Variants in SNTG1 observed in about 807,000 individuals in gnomAD.
SNTG1 encodes the protein gamma-1-syntrophin.
Under a neutral mutation model 74.7 loss-of-function variants are expected in SNTG1, and 39 were observed. That is an observed-to-expected ratio of 0.52 (90% CI 0.40 to 0.68). The LOEUF is 0.68. Ranked by LOEUF, SNTG1 falls within the 30% of genes least tolerant of loss-of-function variation. The pLI is 0.00. For synonymous variants in SNTG1, 254 were observed against 217.1 expected, an observed-to-expected ratio of 1.17 and a Z score of -1.49; for missense variants, 685 against 609.5, an observed-to-expected ratio of 1.12 and a Z score of -1.30.
chr8:50,731,539 T>A (rs545585963), intron 17 of SNTG1, among the ~76,000 whole-genome samples: 1 of 152,206 alleles, frequency 6.6e-6, no homozygotes, highest in African/African-American at 2.4e-5. Context: ...GCACCTGGTT[T>A]CTAACCAAAT....
chr8:50,754,921 T>TTTTCC (rs2095576528), intron 18 of SNTG1, among the ~76,000 whole-genome samples: 1 of 151,904 alleles, frequency 6.6e-6, no homozygotes, highest in South Asian at 2.1e-4. Context: ...AAATGGATTT[T>TTTTCC]TTTCCTTTCC....
At chr8:50,234,268 G>A (rs568439109) in intron 2 of SNTG1, among the ~76,000 whole-genome samples, 27 of 151,884 alleles carry the variant, frequency 1.8e-4, no homozygotes, top group African/African-American at 6.5e-4. Flanking sequence ...CTGATATGAA[G>A]AACATTACAC....
intron 11 of SNTG1, among the ~76,000 whole-genome samples, chr8:50,544,706 A>G (rs953210686): frequency 7.9e-5 from 12 of 152,060 alleles, no homozygotes; most frequent in African/African-American, 2.7e-4. Flanking sequence ...ATAAGCATTT[A>G]CAAACATAGC....
chr8:50,049,166 T>G (rs1395734000), intron 1 of SNTG1, among the ~76,000 whole-genome samples: 1 of 152,096 alleles, frequency 6.6e-6, no homozygotes, highest in Admixed American at 6.6e-5. Context: ...TTAAGTCAAC[T>G]ATGTCAATAA....
At chr8:50,175,705 A>T (rs937126176) in intron 2 of SNTG1, among the ~76,000 whole-genome samples, 6 of 152,220 alleles carry the variant, frequency 3.9e-5, no homozygotes, top group African/African-American at 1.2e-4. Flanking sequence ...GGAGAAAGGC[A>T]GTTGTAAGGA....
chr8:50,789,377 G>T (rs1173275758), intron 18 of SNTG1, among the ~76,000 whole-genome samples: 1 of 151,910 alleles, frequency 6.6e-6, no homozygotes. Context: ...TCAGGGATGA[G>T]TGCCCAGTCA....
intron 2 of SNTG1, among the ~76,000 whole-genome samples, chr8:50,242,137 A>T (rs1274528191): frequency 1.3e-5 from 2 of 151,940 alleles, no homozygotes; most frequent in African/African-American, 4.8e-5. Context: ...ATATACATAC[A>T]TATACATATG....
intron 12 of SNTG1, among the ~76,000 whole-genome samples, chr8:50,558,424 C>A (rs982877247): frequency 9.9e-5 from 15 of 152,120 alleles, no homozygotes; most frequent in African/African-American, 3.1e-4. Context: ...GACCTCAAGT[C>A]CATGCTGGGA....
intron 18 of SNTG1, among the ~76,000 whole-genome samples, chr8:50,792,029 A>G (rs1026327327): frequency 6.6e-6 from 1 of 151,698 alleles, no homozygotes; most frequent in African/African-American, 2.4e-5. Flanking sequence ...TTGGTATTTA[A>G]ATGAGAAACC....
intron 15 of SNTG1, among the ~76,000 whole-genome samples, chr8:50,672,370 C>T (rs1251078666): frequency 6.6e-6 from 1 of 151,974 alleles, no homozygotes; most frequent in Admixed American, 6.6e-5. Context: ...TTTTAATAAT[C>T]ACCATTCTAA....
rs753856767 is a variant in SNTG1, at chr8:50,221,320, G to A, written c.-28+48685G>A. Among the ~76,000 whole-genome samples the A allele has an allele frequency of 1.6e-3, 244 of 152,132 alleles. 1 individual carries two copies. The highest frequency in any genetic ancestry group is 2.2e-3 in the Non-Finnish European group (149 of 67,992). Reference sequence around the variant, plus strand: ...TAGTTTGAATGTTAAGGAATGTGCAGTAGAGGGAAAAAATAGTTACAATGG... The same window carrying A: ...TAGTTTGAATGTTAAGGAATGTGCAATAGAGGGAAAAAATAGTTACAATGG... On this transcript the variant is annotated intron_variant, in intron 2 of 18. Transcript: ENST00000642720.
chr8:50,221,772 A>C lies in SNTG1; in HGVS notation c.-28+49137A>C, dbSNP rs549863697. Among the ~76,000 whole-genome samples, 28 of 152,302 alleles carry C rather than the reference A, an allele frequency of 1.8e-4. No individual in the cohort carries two copies. In the South Asian group the frequency reaches 3.7e-3, roughly 20 times the overall value. On this transcript the variant is annotated intron_variant, in intron 2 of 18. Coordinates refer to ENST00000642720, the MANE Select transcript of SNTG1 (RefSeq NM_018967.5). Reference sequence around the variant, plus strand: ...TAGTGGGCATATCAGGGAAATTAGCATATCCATTTAACAATGCAACAGGTT... The same window carrying C: ...TAGTGGGCATATCAGGGAAATTAGCCTATCCATTTAACAATGCAACAGGTT...
At chr8:50,600,072 G>GTTCCTCAT (rs1300129032) in intron 13 of SNTG1, among the ~76,000 whole-genome samples, 5 of 152,064 alleles carry the variant, frequency 3.3e-5, no homozygotes, top group African/African-American at 1.2e-4. Context: ...TATGGTTGTT[G>GTTCCTCAT]TTCCTCATTC....
intron 2 of SNTG1, among the ~76,000 whole-genome samples, chr8:50,232,305 A>G (rs1236880744): frequency 1.3e-5 from 2 of 151,470 alleles, no homozygotes; most frequent in African/African-American, 4.8e-5. Flanking sequence ...TTTTAAAAGC[A>G]ATTAGTAAAA....
At chr8:50,329,416 CA>C (rs1420023485) in intron 2 of SNTG1, among the ~76,000 whole-genome samples, 1 of 152,168 alleles carries the variant, frequency 6.6e-6, no homozygotes, top group Non-Finnish European at 1.5e-5. Flanking sequence ...CGCGCATTCC[CA>C]AACATCCTCT....
chr8:50,339,585 G>A (rs1178668307), intron 2 of SNTG1, among the ~76,000 whole-genome samples: 1 of 151,820 alleles, frequency 6.6e-6, no homozygotes, highest in African/African-American at 2.4e-5. Context: ...TCTTATATTA[G>A]TTTTAAATGT....
intron 1 of SNTG1, among the ~76,000 whole-genome samples, chr8:50,078,101 C>A (rs934271786): frequency 4.6e-5 from 7 of 152,096 alleles, no homozygotes; most frequent in Non-Finnish European, 1.0e-4. Flanking sequence ...AAATGTGAAA[C>A]CTTACTGCTG....
At chr8:50,071,336 A>C (rs1365332353) in intron 1 of SNTG1, among the ~76,000 whole-genome samples, 1 of 152,082 alleles carries the variant, frequency 6.6e-6, no homozygotes, top group Non-Finnish European at 1.5e-5. Context: ...AGTAGCTAAG[A>C]CTAAGTCTTT....
chr8:50,076,724 T>A lies in SNTG1; in HGVS notation c.-102-95837T>A, dbSNP rs1260582818. Reference sequence around the variant, plus strand: ...ATTAAGCTTTCATATACTCCTAAGGTACAAAATGTTGAGTTCCTTGGAAAA... The same window carrying A: ...ATTAAGCTTTCATATACTCCTAAGGAACAAAATGTTGAGTTCCTTGGAAAA... On this transcript the variant is annotated intron_variant, in intron 1 of 18. Coordinates refer to ENST00000642720, the MANE Select transcript of SNTG1 (RefSeq NM_018967.5). Among the ~76,000 whole-genome samples the A allele has an allele frequency of 2.0e-5, 3 of 152,124 alleles. No homozygotes were observed. The East Asian group carries it at 5.8e-4, about 29-fold the overall frequency.
Sources: gnomAD v4.1 joint callset for allele counts (sites outside exome capture counted in the v4.1 genomes callset) on GRCh38, gnomAD v4.1.1 for gene constraint, MANE v1.5 for transcripts, NCBI Gene and HGNC (gene_info 2026-07-23, HGNC 2026-07-21) for gene names.